The following BRINP1 variants were observed in gnomAD, a reference collection of about 807,000 sequenced individuals.
BRINP1 encodes the protein BMP/retinoic acid-inducible neural-specific protein 1.
BRINP1 carries 17 observed loss-of-function variants against 72.9 expected under a neutral mutation model. That is an observed-to-expected ratio of 0.23 (90% confidence interval 0.16 to 0.35). The LOEUF is 0.35. Among genes scored for constraint, BRINP1 ranks in the 10% least tolerant of loss-of-function variants. The pLI, the probability that BRINP1 is intolerant of heterozygous loss-of-function variation, is 1.00. For synonymous variants in BRINP1, 418 were observed against 378.5 expected (o/e 1.10, Z -1.21); for missense variants, 850 against 1,001.6 (o/e 0.85, Z 2.04).
chr9:119,194,578 G>T (rs750896111), intron 7 of BRINP1, among the ~76,000 whole-genome samples: 1 of 152,218 alleles, frequency 6.6e-6, no homozygotes, highest in Admixed American at 6.5e-5. Flanking sequence ...ACTTGGAGAA[G>T]TCTGAAGTGT....
intron 2 of BRINP1, among the ~76,000 whole-genome samples, chr9:119,299,054 T>C (rs1488514849): frequency 6.6e-6 from 1 of 152,150 alleles, no homozygotes; most frequent in African/African-American, 2.4e-5. Context: ...TTACCTCACA[T>C]ACTTATTTTT....
intron 2 of BRINP1, among the ~76,000 whole-genome samples, chr9:119,257,171 T>C (rs985903271): frequency 2.0e-5 from 3 of 152,218 alleles, no homozygotes; most frequent in South Asian, 2.1e-4. Context: ...AGAGTAGTTG[T>C]TCAAAGTTAT....
At chr9:119,219,664 AGAGAGAGAGAG>A in intron 5 of BRINP1, among the ~76,000 whole-genome samples, 1 of 114,318 alleles carries the variant, frequency 8.7e-6, no homozygotes, top group East Asian at 2.0e-4. Context: ...AGAGAGAGAG[AGAGAGAGAGAG>A]AGAGAGAGAG....
At chr9:119,177,144 A>ATATT (rs1229513301) in intron 7 of BRINP1, among the ~76,000 whole-genome samples, 4 of 152,148 alleles carry the variant, frequency 2.6e-5, no homozygotes, top group African/African-American at 9.7e-5. Flanking sequence ...AAGAATATTC[A>ATATT]TATTTTTCTT....
At chr9:119,364,640 C>G (rs778842668) in intron 1 of BRINP1, among the ~76,000 whole-genome samples, 1 of 152,184 alleles carries the variant, frequency 6.6e-6, no homozygotes. Flanking sequence ...AGAAGGAAGA[C>G]AGTTTCAAAT....
chr9:119,359,348 A>C (rs1435730656), intron 1 of BRINP1, among the ~76,000 whole-genome samples: 1 of 152,108 alleles, frequency 6.6e-6, no homozygotes, highest in Admixed American at 6.5e-5. Flanking sequence ...GGCATATGCC[A>C]CCACATCTGG....
intron 5 of BRINP1, among the ~76,000 whole-genome samples, chr9:119,219,036 C>G (rs748033423): frequency 1.3e-5 from 2 of 152,048 alleles, no homozygotes; most frequent in African/African-American, 2.4e-5. Context: ...GGAGAAGAGA[C>G]AGCTTGTAGC....
At chr9:119,230,732 G>A (rs1331842169) in intron 5 of BRINP1, among the ~76,000 whole-genome samples, 4 of 151,984 alleles carry the variant, frequency 2.6e-5, no homozygotes, top group Non-Finnish European at 4.4e-5. Context: ...AGAGGAGGAT[G>A]AAGAGAAGGA....
intron 2 of BRINP1, among the ~76,000 whole-genome samples, chr9:119,301,597 T>C (rs1830939582): frequency 1.3e-5 from 2 of 152,176 alleles, no homozygotes; most frequent in South Asian, 2.1e-4. Flanking sequence ...GTTCTGTCTC[T>C]TGATCGCAGT....
chr9:119,313,015 T>A (rs1831084723), intron 2 of BRINP1, 123 bp downstream of exon 2: 4 of 1,097,014 alleles, frequency 3.6e-6, no homozygotes, highest in Non-Finnish European at 5.1e-6. Context: ...AAACAGCTTG[T>A]GGAAGGAGCA....
chr9:119,169,200 C>T, intron 7 of BRINP1, among the ~76,000 whole-genome samples: 1 of 152,218 alleles, frequency 6.6e-6, no homozygotes, highest in East Asian at 1.9e-4. Flanking sequence ...GTGATTTCTG[C>T]ATTTCCATCT....
chr9:119,354,172 G>T (rs539660096), intron 1 of BRINP1, among the ~76,000 whole-genome samples: 1 of 151,952 alleles, frequency 6.6e-6, no homozygotes, highest in Non-Finnish European at 1.5e-5. Flanking sequence ...CTAATATTCT[G>T]GTTTTTATGG....
chr9:119,201,914 C>T (rs1185354663), intron 7 of BRINP1, among the ~76,000 whole-genome samples: 1 of 152,142 alleles, frequency 6.6e-6, no homozygotes, highest in Non-Finnish European at 1.5e-5. Flanking sequence ...ATTTCCCTCT[C>T]TCTTCTTTTT....
At chr9:119,328,501 G>A (rs1005656886) in intron 1 of BRINP1, among the ~76,000 whole-genome samples, 57 of 152,222 alleles carry the variant, frequency 3.7e-4, no homozygotes, top group African/African-American at 1.3e-3. Context: ...TTCTAGGATA[G>A]ACCTAGAATT....
chr9:119,255,954 CAAAAAAAAAAAAAAAAAA>C (rs58972395), intron 2 of BRINP1, among the ~76,000 whole-genome samples: 1 of 53,482 alleles, frequency 1.9e-5, no homozygotes, highest in Admixed American at 3.3e-4. Flanking sequence ...GACTCCAGCT[CAAAAAAAAAAAAAAAAAA>C]AAAAAAAAAA....
intron 6 of BRINP1, 110 bp from the exon 7 acceptor site, chr9:119,209,051 T>G: frequency 1.2e-6 from 1 of 856,338 alleles, no homozygotes; most frequent in South Asian, 1.7e-5. Context: ...GCAAACATAA[T>G]TTTTTTTTCT....
intron 2 of BRINP1, among the ~76,000 whole-genome samples, chr9:119,308,125 T>C (rs1831017253): frequency 6.6e-6 from 1 of 152,260 alleles, no homozygotes. Context: ...GTTGTGATGA[T>C]TATTGCTTCT....
At chr9:119,315,457 T>G (rs1831115519) in intron 1 of BRINP1, among the ~76,000 whole-genome samples, 1 of 152,110 alleles carries the variant, frequency 6.6e-6, no homozygotes, top group Non-Finnish European at 1.5e-5. Context: ...GATAAACCTG[T>G]GTTTTCTGAC....
In BRINP1 at chr9:119,167,968, A is replaced by C; in HGVS notation, c.1402T>G (p.Ser468Ala). ...RGRCEPQNVD[S>A]ERSEQFISFE... Reference sequence around the variant, plus strand: ...CTGATGAACTGCTCGCTCCGCTCCGAGTCCACGTTCTGTGGTTCACAGCGG... The same window carrying C: ...CTGATGAACTGCTCGCTCCGCTCCGCGTCCACGTTCTGTGGTTCACAGCGG... The change falls in exon 8 of 8, where the codon TCG becomes GCG. Residue 468 changes from serine (S) to alanine (A), a missense_variant. Physicochemically the swap from Ser to Ala is moderately conservative, Grantham distance 99. Transcript: ENST00000265922. This position sits in a 1 kb window ranked among gnomAD's most constrained non-coding sequence, Gnocchi z 4.3. 6.2e-7 allele frequency: 1 copy of C among 1,614,256 alleles called. No homozygotes were observed. Among genetic ancestry groups the C allele is most frequent in the Non-Finnish European group, 8.5e-7 (1 of 1,180,046 alleles).
Sources: allele counts gnomAD v4.1 joint callset (sites outside exome capture counted in the v4.1 genomes callset), GRCh38; gene constraint gnomAD v4.1.1; non-coding constraint Gnocchi (gnomAD v3.1); transcripts MANE v1.5; gene names NCBI Gene and HGNC (gene_info 2026-07-23, HGNC 2026-07-21).